MZT2B: variants seen among roughly 807,000 people sequenced by gnomAD.
MZT2B encodes the protein mitotic spindle organizing protein 2B.
MZT2B carries 11 observed loss-of-function variants against 12.1 expected under a neutral mutation model. The observed-to-expected ratio is 0.91, with a 90% CI of 0.57 to 1.50. The LOEUF (loss-of-function observed/expected upper bound fraction) is 1.50, where lower values mean the gene tolerates loss of function less well. MZT2B is among the 40% of genes most tolerant of loss of function. The probability of loss-of-function intolerance (pLI) is 0.00; values close to 1 mark genes in which losing one functional copy is unlikely to be tolerated. For missense variants in MZT2B, 209 were observed against 227.7 expected (o/e 0.92, Z 0.53); for synonymous variants, 85 against 109.5 (o/e 0.78, Z 1.40).
the MZT2B span, chr2:130,202,245 A>G: frequency 8.5e-7 from 1 of 1,175,862 alleles, no homozygotes; most frequent in Non-Finnish European, 1.1e-6. Context: ...CATTTCAATA[A>G]GTCAGCTAAC....
downstream of MZT2B, chr2:130,190,851 A>G (rs1690241495): frequency 9.9e-7 from 1 of 1,014,474 alleles, no homozygotes; most frequent in Admixed American, 4.0e-5. Context: ...CCATGGGTCA[A>G]CTTCCTGAAC....
chr2:130,182,056 G>C (rs1000536099), upstream of MZT2B: 6 of 1,348,244 alleles, frequency 4.5e-6, no homozygotes, highest in Non-Finnish European at 4.8e-6. Flanking sequence ...GGACCCCTGC[G>C]GTCCGCCATG....
chr2:130,183,989 T>TG (rs752127436), intron 2 of MZT2B: 29 of 1,550,298 alleles, frequency 1.9e-5, no homozygotes, highest in Non-Finnish European at 2.5e-5. Context: ...GGCTTATCTC[T>TG]GGGGGTTGGT....
At chr2:130,202,202 C>G in the MZT2B span, 2 of 777,870 alleles carry the variant, frequency 2.6e-6, no homozygotes, top group South Asian at 1.8e-5. Flanking sequence ...TAGTATACAG[C>G]ACTAAAAAAA....
chr2:130,192,056 G>A, downstream of MZT2B: 1 of 1,614,006 alleles, frequency 6.2e-7, no homozygotes, highest in South Asian at 1.1e-5. Flanking sequence ...TGCTCAGCAT[G>A]CACACGGCCC....
chr2:130,192,030 G>T (rs781384429), downstream of MZT2B: 16 of 1,613,920 alleles, frequency 9.9e-6, no homozygotes, highest in Admixed American at 1.7e-5. Context: ...CCAGGCCTCC[G>T]CAATGGCCGT....
At chr2:130,202,202 C>A in the MZT2B span, 1 of 777,868 alleles carries the variant, frequency 1.3e-6, no homozygotes, top group Non-Finnish European at 1.8e-6. Context: ...TAGTATACAG[C>A]ACTAAAAAAA....
rs752502536 is a variant in MZT2B at position 130,182,663 on chromosome 2, C to T, written c.207C>T (p.Pro69=). The change falls in exon 2 of 3, where the codon CCC becomes CCT. Residue 69 remains proline, a synonymous_variant. Coordinates refer to ENST00000281871, the MANE Select transcript of MZT2B (RefSeq NM_025029.5). ...ACCTGCTGAAGCTGAACGTGGCCCC[C>T]CTCGCCGTCTTCCAGATGCTCAAGT... ...LVDLLKLNVA[P]LAVFQMLKSM... is the part of the protein sequence containing the mutation. 1.9e-6 allele frequency: 3 copies of T among 1,553,312 alleles called. No individual in the cohort carries two copies. Among genetic ancestry groups the T allele is most frequent in the African/African-American group, 2.7e-5 (2 of 73,352 alleles).
chr2:130,182,422 C>T lies in MZT2B; in HGVS notation c.140C>T (p.Ala47Val). 1 of 1,563,086 alleles carries T rather than the reference C, an allele frequency of 6.4e-7. No homozygotes were observed. Among genetic ancestry groups the T allele is most frequent in the Non-Finnish European group, 8.6e-7 (1 of 1,156,962 alleles). The change falls in exon 1 of 3, where the codon GCG becomes GTG. Residue 47 changes from alanine (A) to valine (V), a missense_variant. Transcript: ENST00000281871. Reference protein sequence around the residue: ...EMELYELAQAAGGAIDPDVFK... With the variant: ...EMELYELAQAVGGAIDPDVFK... ...GAGCTGTACGAGCTGGCGCAGGCGG[C>T]GGGCGGCGCTATCGACCCCGACGTG... is the stretch of plus-strand genomic sequence containing the variant.
intron 2 of MZT2B, chr2:130,183,925 G>C (rs1689938843): frequency 3.2e-6 from 5 of 1,550,562 alleles, no homozygotes; most frequent in Non-Finnish European, 4.4e-6. Flanking sequence ...GGCCCCCCGG[G>C]TTCCCTCCGC....
chr2:130,184,891 G>C (rs183892227), intron 2 of MZT2B: 14 of 985,258 alleles, frequency 1.4e-5, no homozygotes, highest in Non-Finnish European at 1.7e-5. Context: ...CGAGACCAGT[G>C]TGGTGGCTCA....
At chr2:130,192,180 A>G, downstream of MZT2B, 2 of 1,550,984 alleles carry the variant, frequency 1.3e-6, no homozygotes, top group African/African-American at 1.4e-5. Flanking sequence ...AAACCTAGAA[A>G]TGGTAGCTAC....
the MZT2B span, chr2:130,198,459 C>G: frequency 7.7e-7 from 1 of 1,300,650 alleles, no homozygotes; most frequent in Non-Finnish European, 1.0e-6. Flanking sequence ...ACGCGCGCCG[C>G]ACAGGATTGG....
chr2:130,182,355 C>T lies in MZT2B; in HGVS notation c.73C>T (p.Leu25=). 35 of 1,537,746 alleles carry T rather than the reference C, an allele frequency of 2.3e-5. No individual in the cohort carries two copies. The highest frequency in any genetic ancestry group is 3.0e-5 in the Non-Finnish European group (34 of 1,146,764). ...GGGGCTGGAGGCGGCCCGGCAGAAG[C>T]TGGCGCTGCGGCGGAAGAAGGTGCT... ...PPGLEAARQK[L]ALRRKKVLST... Residue 25 remains leucine (L), a synonymous_variant, in exon 1 of 3, where the codon CTG becomes TTG. Transcript: ENST00000281871.
chr2:130,186,411 G>A (rs1434193415), intron 2 of MZT2B, among the ~76,000 whole-genome samples: 4 of 152,184 alleles, frequency 2.6e-5, no homozygotes, highest in Non-Finnish European at 5.9e-5. Context: ...GTGAGAGTCT[G>A]GAGTCATTGA....
intron 2 of MZT2B, chr2:130,184,838 T>A: frequency 1.0e-6 from 1 of 985,222 alleles, no homozygotes; most frequent in Non-Finnish European, 1.2e-6. Context: ...AGTGAGATGA[T>A]CACACTCAGA....
At chr2:130,184,139 A>G (rs552374694) in intron 2 of MZT2B, 4 of 1,497,212 alleles carry the variant, frequency 2.7e-6, no homozygotes, top group African/African-American at 2.8e-5. Context: ...TATTAGAGAC[A>G]TAGTGTGGCA....
At chr2:130,193,815 A>G, downstream of MZT2B, 1 of 1,611,572 alleles carries the variant, frequency 6.2e-7, no homozygotes, top group Non-Finnish European at 8.5e-7. Context: ...CAATCCACAA[A>G]CTGGATAGTG....
chr2:130,184,755 T>A, intron 2 of MZT2B: 1 of 985,384 alleles, frequency 1.0e-6, no homozygotes, highest in Non-Finnish European at 1.2e-6. Flanking sequence ...CAGGGGATGT[T>A]GCTGCTCACT....
Sources: allele counts gnomAD v4.1 joint callset (sites outside exome capture counted in the v4.1 genomes callset), GRCh38; gene constraint gnomAD v4.1.1; transcripts MANE v1.5; gene names NCBI Gene and HGNC (gene_info 2026-07-23, HGNC 2026-07-21).